The following FBXW7 variants were observed in gnomAD, a reference collection of about 807,000 sequenced individuals.
The protein encoded by FBXW7 is F-box and WD repeat domain containing 7.
In FBXW7, 11 loss-of-function variants were observed where a neutral mutation model predicts 86.3. That is an observed-to-expected ratio of 0.13 (90% CI 0.08 to 0.21). The LOEUF (loss-of-function observed/expected upper bound fraction) is 0.21. FBXW7 is among the 10% of genes least tolerant of loss of function. The pLI, the probability that FBXW7 is intolerant of heterozygous loss-of-function variation, is 1.00. For missense variants in FBXW7, 488 were observed against 847.4 expected, an observed-to-expected ratio of 0.58 and a Z score of 5.27; for synonymous variants, 313 against 297.9, an observed-to-expected ratio of 1.05 and a Z score of -0.52.
intron 2 of FBXW7, among the ~76,000 whole-genome samples, chr4:152,508,959 G>A (rs1008164714): frequency 1.3e-5 from 2 of 152,116 alleles, no homozygotes; most frequent in African/African-American, 4.8e-5. Context: ...CATTTTTGCA[G>A]TATTCTTAAT....
intron 4 of FBXW7, among the ~76,000 whole-genome samples, chr4:152,365,130 G>A (rs180953496): frequency 4.5e-4 from 69 of 152,176 alleles, no homozygotes; most frequent in African/African-American, 1.5e-3. Context: ...GCATCTTCTC[G>A]CTGAATGAAT....
chr4:152,525,133 T>C (rs1749390723), intron 2 of FBXW7, among the ~76,000 whole-genome samples: 2 of 152,146 alleles, frequency 1.3e-5, no homozygotes, highest in African/African-American at 2.4e-5. Flanking sequence ...TCGTTACCAA[T>C]AAAGAAAAGT....
chr4:152,339,806 G>C (rs1180784813), intron 6 of FBXW7, among the ~76,000 whole-genome samples: 1 of 151,808 alleles, frequency 6.6e-6, no homozygotes, highest in Admixed American at 6.6e-5. Flanking sequence ...GCCAGGCATG[G>C]TGGAATGCGC....
chr4:152,410,656 T>C (rs1201640247), intron 4 of FBXW7, among the ~76,000 whole-genome samples: 1 of 152,196 alleles, frequency 6.6e-6, no homozygotes, highest in Non-Finnish European at 1.5e-5. Flanking sequence ...TCAGTTTGTA[T>C]ATTGTTTATG....
intron 2 of FBXW7, among the ~76,000 whole-genome samples, chr4:152,486,008 G>C (rs905964995): frequency 5.9e-5 from 9 of 152,142 alleles, no homozygotes; most frequent in African/African-American, 2.2e-4. Flanking sequence ...TTGCTCCTAG[G>C]CTACAAACCT....
chr4:152,443,773 C>T (rs1471006965), intron 2 of FBXW7, among the ~76,000 whole-genome samples: 1 of 152,008 alleles, frequency 6.6e-6, no homozygotes, highest in Admixed American at 6.6e-5. Flanking sequence ...TAAAGGGGTC[C>T]TTATACTAGC....
chr4:152,466,497 G>C (rs1339793567), intron 2 of FBXW7, among the ~76,000 whole-genome samples: 3 of 151,552 alleles, frequency 2.0e-5, no homozygotes, highest in Admixed American at 6.6e-5. Flanking sequence ...AGAGGTTGCA[G>C]TGAGCCAAGA....
chr4:152,524,495 T>G (rs185341749), intron 2 of FBXW7, among the ~76,000 whole-genome samples: 10 of 152,298 alleles, frequency 6.6e-5, no homozygotes, highest in Admixed American at 4.6e-4. Flanking sequence ...CTTCAATGGT[T>G]TAAAGAACCC....
chr4:152,399,997 G>A (rs567754671), intron 4 of FBXW7, among the ~76,000 whole-genome samples: 112 of 152,236 alleles, frequency 7.4e-4, no homozygotes, highest in Admixed American at 2.0e-3. Flanking sequence ...TAGCCAAAAC[G>A]ATACTGAAGG....
chr4:152,356,570 A>G (rs1479596685), intron 4 of FBXW7, among the ~76,000 whole-genome samples: 2 of 152,208 alleles, frequency 1.3e-5, no homozygotes, highest in Non-Finnish European at 2.9e-5. Flanking sequence ...TCTTGCCCTG[A>G]GCACAGAATT....
chr4:152,331,002 T>C (rs1729520120), intron 8 of FBXW7, 134 bp from the exon 9 acceptor site: 1 of 781,660 alleles, frequency 1.3e-6, no homozygotes, highest in Admixed American at 3.0e-5. Context: ...CATTGTCAAA[T>C]TTCCAATACT....
chr4:152,473,752 A>G (rs1744162963), intron 2 of FBXW7, among the ~76,000 whole-genome samples: 1 of 152,180 alleles, frequency 6.6e-6, no homozygotes, highest in Admixed American at 6.5e-5. Flanking sequence ...CAAGCATGAA[A>G]CATGCTTCTT....
rs945134507 is a variant in FBXW7 at position 152,321,988 on chromosome 4, T to A, written c.*893A>T. 3 of 232,794 alleles carry A rather than the reference T, an allele frequency of 1.3e-5. No individual in the cohort carries two copies. The highest frequency in any genetic ancestry group is 6.6e-5 in the African/African-American group (3 of 45,258). The allele number at this position is 232,794 out of a possible 1,614,324, so 14.4% of individuals were successfully genotyped here. On this transcript the variant is annotated 3_prime_UTR_variant, in exon 14 of 14. Coordinates refer to ENST00000281708, the MANE Select transcript of FBXW7 (RefSeq NM_001349798.2). ...TCAGTGGCAAAAAGTCTTTTTTCCATAACCAAACTAGAGCAAATTTGGAAT... is the reference window on the plus strand; with the variant it reads ...TCAGTGGCAAAAAGTCTTTTTTCCAAAACCAAACTAGAGCAAATTTGGAAT...
At chr4:152,411,982 T>C (rs1207662850) in intron 3 of FBXW7, 110 bp from the exon 4 acceptor site, 2 of 1,003,018 alleles carry the variant, frequency 2.0e-6, no homozygotes. Flanking sequence ...AAAAAAGTAT[T>C]GATGCCACCA....
chr4:152,529,153 A>C (rs1579444745), intron 2 of FBXW7, among the ~76,000 whole-genome samples: 2 of 152,242 alleles, frequency 1.3e-5, no homozygotes, highest in South Asian at 2.1e-4. Flanking sequence ...GAGTATTTGC[A>C]GATAGAAGAT....
At chr4:152,379,261 G>T (rs945424900) in intron 4 of FBXW7, among the ~76,000 whole-genome samples, 1 of 151,910 alleles carries the variant, frequency 6.6e-6, no homozygotes, top group South Asian at 2.1e-4. Context: ...AAAATAACTG[G>T]TTATTTTAAA....
chr4:152,458,310 C>T (rs574666952), intron 2 of FBXW7, among the ~76,000 whole-genome samples: 3 of 152,334 alleles, frequency 2.0e-5, no homozygotes, highest in South Asian at 2.1e-4. Context: ...TGAGCCACCG[C>T]GCCCGGCCTA....
intron 2 of FBXW7, among the ~76,000 whole-genome samples, chr4:152,423,547 C>T (rs1739128785): frequency 6.6e-6 from 1 of 152,168 alleles, no homozygotes; most frequent in Non-Finnish European, 1.5e-5. Flanking sequence ...TGGTGCCTAT[C>T]AGTGGTACCA....
chr4:152,435,330 TCATTTTG>T (rs1740288876), intron 2 of FBXW7, among the ~76,000 whole-genome samples: 4 of 152,208 alleles, frequency 2.6e-5, no homozygotes, highest in African/African-American at 9.7e-5. Flanking sequence ...TATAAGCCAT[TCATTTTG>T]TATAACGGCC....
Sources: gnomAD v4.1 joint callset for allele counts (sites outside exome capture counted in the v4.1 genomes callset) on GRCh38, gnomAD v4.1.1 for gene constraint, MANE v1.5 for transcripts, NCBI Gene and HGNC (gene_info 2026-07-23, HGNC 2026-07-21) for gene names.